The following SYNE1 variants were observed in gnomAD, a reference collection of about 807,000 sequenced individuals.
SYNE1 encodes spectrin repeat containing nuclear envelope protein 1, also known as nesprin-1.
A neutral mutation model predicts 1,111.0 loss-of-function variants in SYNE1; 616 were observed. That is an observed-to-expected ratio of 0.55 (90% CI 0.52 to 0.59). The LOEUF (loss-of-function observed/expected upper bound fraction) is 0.59, where lower values mean the gene tolerates loss of function less well. Ranked by LOEUF, SYNE1 falls within the 20% of genes least tolerant of loss-of-function variation. The pLI is 0.00. For missense variants in SYNE1, 10,006 were observed against 10,417.0 expected (o/e 0.96, Z 1.72); for synonymous variants, 3,855 against 3,825.8 (o/e 1.01, Z -0.28).
chr6:152,590,600 TA>T lies in SYNE1; in HGVS notation c.67+37664del, dbSNP rs1257742642. On this transcript the variant is annotated intron_variant, in intron 3 of 145. Transcript: ENST00000367255. ...GTTGCCAAGTGCAAAATAATAGTCT[TA>T]TCTTTGTGGGTGTGGTTCTGGCTTT... Among the ~76,000 whole-genome samples the T allele has an allele frequency of 3.3e-5, 5 of 152,278 alleles. No homozygotes were observed. The East Asian group carries it at 9.6e-4, about 29-fold the overall frequency.
At chr6:152,465,760 AACACATACACACACAC>A (rs1464477828) in intron 17 of SYNE1, among the ~76,000 whole-genome samples, 1 of 133,206 alleles carries the variant, frequency 7.5e-6, no homozygotes, top group East Asian at 2.5e-4. Context: ...CTCTTAGAAG[AACACATACACACACAC>A]ACACACACAC....
chr6:152,175,289 G>T (rs2066141161), intron 130 of SYNE1, among the ~76,000 whole-genome samples: 1 of 152,128 alleles, frequency 6.6e-6, no homozygotes, highest in South Asian at 2.1e-4. Flanking sequence ...TCTTGAGTTA[G>T]ATACTTTTTG....
chr6:152,136,675 C>T lies in SYNE1; in HGVS notation c.25602G>A (p.Val8534=), dbSNP rs1453836225. The T allele has an allele frequency of 6.2e-7, 1 of 1,614,170 alleles. No homozygotes were observed. The highest frequency in any genetic ancestry group is 2.2e-5 in the East Asian group (1 of 44,874). The change falls in exon 141 of 146, where the codon GTG becomes GTA. Residue 8534 remains valine (V), a synonymous_variant. Transcript: ENST00000367255. ...LSQMNGRWDR[V]CSLLEEWRGL... ...CCCGCCACTCCTCCAGCAGAGAGCACACTCGGTCCCAGCGCCCATTCATCT... is the reference window on the plus strand; with the variant it reads ...CCCGCCACTCCTCCAGCAGAGAGCATACTCGGTCCCAGCGCCCATTCATCT...
rs767868753 is a variant in SYNE1, at chr6:152,458,836, G to A, written c.2489C>T (p.Ser830Leu). ...LEKQMTSFYD[S>L]LGKINEIITV... ...GATAATTTCATTGATTTTCCCAAGT[G>A]AGTCATAAAAGGACGTCATCTGCTT... Residue 830 changes from serine (S) to leucine (L), a missense_variant, in exon 22 of 146, where the codon TCA becomes TTA. Physicochemically the swap from Ser to Leu is moderately radical, Grantham distance 145. This residue lies in a region of SYNE1 where 1,971 missense variants were observed against 2,084.1 expected (regional missense o/e 0.95). Transcript: ENST00000367255. The A allele has an allele frequency of 6.2e-7, 1 of 1,614,048 alleles. No individual in the cohort carries two copies. The highest frequency in any genetic ancestry group is 1.1e-5 in the South Asian group (1 of 91,070).
intron 31 of SYNE1, 78 bp downstream of exon 31, chr6:152,441,997 C>G (rs1186298231): frequency 6.4e-7 from 1 of 1,557,118 alleles, no homozygotes; most frequent in Non-Finnish European, 8.8e-7. Flanking sequence ...CAAAGGTTCG[C>G]CTTGGTGTTA....
rs2094180933 is a variant in SYNE1 at position 152,284,026 on chromosome 6, T to G, written c.18159A>C (p.Arg6053=). The G allele has an allele frequency of 1.2e-6, 2 of 1,614,200 alleles. No individual in the cohort carries two copies. Among genetic ancestry groups the G allele is most frequent in the Non-Finnish European group, 1.7e-6 (2 of 1,180,032 alleles). The change falls in exon 96 of 146, where the codon CGA becomes CGC. Residue 6053 remains arginine, a synonymous_variant. Coordinates refer to ENST00000367255, the MANE Select transcript of SYNE1 (RefSeq NM_182961.4). ...AGGCTTTCATCCTGATGGTGGACAT[T>G]CGCTCGGCTAAGACAGTGAGCGTGG... ...LQSTLTVLAE[R]MSTIRMKASG... is the part of the protein sequence containing the mutation.
At chr6:152,546,368 T>C (rs1465033120) in intron 3 of SYNE1, 1 of 152,218 alleles carries the variant, frequency 6.6e-6, no homozygotes, top group South Asian at 2.1e-4. Flanking sequence ...TGCAATGTGA[T>C]TTTATTGCCT....
At position 152,334,243 on chromosome 6, in the gene SYNE1, C is replaced by T. The variant is rs2153982762; in HGVS notation, c.12559G>A (p.Ala4187Thr). ...DFVKKLQSKQ[A>T]SVNTIIEKVN... ...TTTTCTATTATGGTGTTCACGGATG[C>T]CTGTTTGCTCTGTAGTTTCTTAACA... is the stretch of plus-strand genomic sequence containing the variant. Residue 4187 changes from alanine to threonine, a missense_variant, in exon 77 of 146, where the codon GCA (alanine) becomes ACA (threonine). By Grantham distance (58) the Ala-to-Thr change is moderately conservative (BLOSUM62 0). Coordinates refer to ENST00000367255, the MANE Select transcript of SYNE1 (RefSeq NM_182961.4). 3 of 1,613,874 alleles carry T rather than the reference C, an allele frequency of 1.9e-6. No individual in the cohort carries two copies. Among genetic ancestry groups the T allele is most frequent in the Middle Eastern group, 3.3e-4 (2 of 6,062 alleles).
At chr6:152,353,466 G>A (rs1436588366) in intron 68 of SYNE1, 33 bp from the exon 69 acceptor site, 3 of 1,613,908 alleles carry the variant, frequency 1.9e-6, no homozygotes, top group South Asian at 2.2e-5. Context: ...GAATGGTGAA[G>A]TAAAGGCCTG....
intron 131 of SYNE1, among the ~76,000 whole-genome samples, chr6:152,156,402 A>G (rs2061378705): frequency 6.6e-6 from 1 of 152,206 alleles, no homozygotes; most frequent in African/African-American, 2.4e-5. Flanking sequence ...CCCAGACTCT[A>G]CTTCACGAAT....
At chr6:152,387,455 G>C in intron 53 of SYNE1, 74 bp from the exon 54 acceptor site, 1 of 1,472,284 alleles carries the variant, frequency 6.8e-7, no homozygotes, top group Middle Eastern at 1.7e-4. Context: ...ACAAAGTCGT[G>C]ACATCCATGC....
At chr6:152,355,483 G>A (rs1323503001) in intron 66 of SYNE1, among the ~76,000 whole-genome samples, 1 of 152,194 alleles carries the variant, frequency 6.6e-6, no homozygotes, top group Non-Finnish European at 1.5e-5. Context: ...AAACTGGAGA[G>A]TGCAGGGCAC....
At chr6:152,199,973 T>C (rs987719979) in intron 127 of SYNE1, among the ~76,000 whole-genome samples, 16 of 152,260 alleles carry the variant, frequency 1.1e-4, no homozygotes, top group African/African-American at 3.9e-4. Context: ...CCAAACCATC[T>C]AGGTTAATTA....
intron 84 of SYNE1, 59 bp from the exon 85 acceptor site, chr6:152,319,074 T>TA (rs1349938377): frequency 9.4e-6 from 15 of 1,601,048 alleles, no homozygotes; most frequent in Middle Eastern, 1.7e-4. Flanking sequence ...TAATAGATAC[T>TA]AAAAATCTCA....
intron 131 of SYNE1, among the ~76,000 whole-genome samples, chr6:152,158,655 A>G (rs1563102272): frequency 6.6e-6 from 1 of 152,238 alleles, no homozygotes; most frequent in Non-Finnish European, 1.5e-5. Flanking sequence ...GAAGTAATAT[A>G]AAAATTAAAC....
intron 32 of SYNE1, among the ~76,000 whole-genome samples, chr6:152,438,485 C>G (rs1012376056): frequency 1.3e-5 from 2 of 152,042 alleles, no homozygotes; most frequent in African/African-American, 2.4e-5. Flanking sequence ...CATTGTAAGG[C>G]CTTATCTCTA....
intron 2 of SYNE1, among the ~76,000 whole-genome samples, chr6:152,631,378 A>G: frequency 6.6e-6 from 1 of 152,184 alleles, no homozygotes; most frequent in East Asian, 1.9e-4. Context: ...GACATTGTGG[A>G]AAAGAGGGCG....
At chr6:152,528,881 T>C (rs2154356443) in intron 4 of SYNE1, among the ~76,000 whole-genome samples, 1 of 152,364 alleles carries the variant, frequency 6.6e-6, no homozygotes, top group East Asian at 1.9e-4. Flanking sequence ...TGGGTTTGTG[T>C]ATTATTCAGG....
intron 3 of SYNE1, among the ~76,000 whole-genome samples, chr6:152,574,548 G>C (rs1256985982): frequency 6.6e-6 from 1 of 152,114 alleles, no homozygotes; most frequent in African/African-American, 2.4e-5. Context: ...AGCTTAAGCA[G>C]TCTGGTAATC....
Sources: allele counts gnomAD v4.1 joint callset (sites outside exome capture counted in the v4.1 genomes callset), GRCh38; gene constraint gnomAD v4.1.1; regional missense constraint gnomAD v4.1.1; transcripts MANE v1.5; gene names NCBI Gene and HGNC (gene_info 2026-07-23, HGNC 2026-07-21).